Variants in LUZP2 observed in about 807,000 individuals in gnomAD.
LUZP2 encodes the protein leucine zipper protein 2.
A neutral mutation model predicts 51.6 loss-of-function variants in LUZP2; 52 were observed. The ratio of observed to expected loss-of-function variants is 1.01; its 90% CI spans 0.81 to 1.27. The LOEUF (loss-of-function observed/expected upper bound fraction) is 1.27. LUZP2 is among the 50% of genes most tolerant of loss of function. LUZP2 has a pLI of 0.00. For missense variants in LUZP2, 436 were observed against 395.4 expected, an observed-to-expected ratio of 1.10 and a Z score of -0.87; for synonymous variants, 154 against 137.3, an observed-to-expected ratio of 1.12 and a Z score of -0.85.
At chr11:24,642,265 G>A (rs1426826511) in intron 1 of LUZP2, among the ~76,000 whole-genome samples, 1 of 151,512 alleles carries the variant, frequency 6.6e-6, no homozygotes, top group Non-Finnish European at 1.5e-5. Context: ...CAATTAGACT[G>A]TTTTGTCACA....
chr11:24,702,109 A>G (rs1266683112), intron 1 of LUZP2, among the ~76,000 whole-genome samples: 1 of 152,202 alleles, frequency 6.6e-6, no homozygotes, highest in Non-Finnish European at 1.5e-5. Flanking sequence ...AAATCTGAGT[A>G]TGTAGTGTAT....
intron 1 of LUZP2, among the ~76,000 whole-genome samples, chr11:24,576,655 T>A (rs531623300): frequency 6.6e-6 from 1 of 151,894 alleles, no homozygotes; most frequent in African/African-American, 2.4e-5. Flanking sequence ...TTGGAGGTAA[T>A]TGACAAAGTG....
intron 1 of LUZP2, among the ~76,000 whole-genome samples, chr11:24,644,760 A>G (rs1378192116): frequency 6.6e-6 from 1 of 152,170 alleles, no homozygotes; most frequent in Non-Finnish European, 1.5e-5. Context: ...TAACTGTGTT[A>G]GCATATACAT....
intron 5 of LUZP2, among the ~76,000 whole-genome samples, chr11:24,855,274 A>G (rs1324761661): frequency 6.6e-6 from 1 of 152,172 alleles, no homozygotes. Flanking sequence ...GAATTCAGTA[A>G]AATTTCAGGA....
intron 1 of LUZP2, among the ~76,000 whole-genome samples, chr11:24,626,095 G>T (rs1854672403): frequency 6.6e-6 from 1 of 152,120 alleles, no homozygotes; most frequent in African/African-American, 2.4e-5. Flanking sequence ...ACCTCGGAGG[G>T]TTATTTTCCT....
At chr11:24,875,546 A>G (rs1053215726) in intron 5 of LUZP2, among the ~76,000 whole-genome samples, 1 of 146,032 alleles carries the variant, frequency 6.8e-6, no homozygotes, top group African/African-American at 2.5e-5. Flanking sequence ...TATTGTGAAT[A>G]GTGCCGCAAT....
In LUZP2 at chr11:24,578,661, T is replaced by TA. The variant is rs1362769163; in HGVS notation, c.62+81363dup. On this transcript the variant is annotated intron_variant, in intron 1 of 11. Coordinates refer to ENST00000336930, the MANE Select transcript of LUZP2 (RefSeq NM_001009909.4). The stretch of plus-strand genomic sequence containing the variant: ...ATGGATGCAGCTGGAGGCCTTATCC[T>TA]AAAAAAATTAATGCAGAAACAGAAA... Among the ~76,000 whole-genome samples the TA allele has an allele frequency of 3.3e-5, 5 of 152,076 alleles. No homozygotes were observed. The South Asian group carries it at 6.2e-4, about 19-fold the overall frequency.
At chr11:24,817,329 A>G (rs927896005) in intron 5 of LUZP2, among the ~76,000 whole-genome samples, 1 of 152,106 alleles carries the variant, frequency 6.6e-6, no homozygotes, top group Non-Finnish European at 1.5e-5. Context: ...AAAAACTCCA[A>G]TTTGTATAAT....
At chr11:24,829,972 G>A (rs1311361868) in intron 5 of LUZP2, among the ~76,000 whole-genome samples, 2 of 152,044 alleles carry the variant, frequency 1.3e-5, no homozygotes, top group African/African-American at 4.8e-5. Flanking sequence ...TGAGAGATAG[G>A]GTAACAGTGA....
chr11:24,720,510 G>A (rs951356228), intron 1 of LUZP2, among the ~76,000 whole-genome samples: 3 of 152,162 alleles, frequency 2.0e-5, no homozygotes, highest in Admixed American at 6.5e-5. Flanking sequence ...AATGAAAAAT[G>A]TATGTGACCA....
At chr11:24,897,315 G>A (rs752161065) in intron 5 of LUZP2, among the ~76,000 whole-genome samples, 4 of 152,334 alleles carry the variant, frequency 2.6e-5, no homozygotes, top group Non-Finnish European at 4.4e-5. Flanking sequence ...GCCAGTAGTA[G>A]CAACCCGCCT....
At chr11:24,747,454 T>C (rs189286159) in intron 4 of LUZP2, among the ~76,000 whole-genome samples, 8 of 151,990 alleles carry the variant, frequency 5.3e-5, no homozygotes, top group Admixed American at 4.6e-4. Flanking sequence ...GAGGTGGCAG[T>C]TGGGGGTGAA....
intron 5 of LUZP2, among the ~76,000 whole-genome samples, chr11:24,780,556 A>G (rs1436827418): frequency 1.3e-5 from 2 of 152,176 alleles, no homozygotes; most frequent in African/African-American, 4.8e-5. Context: ...TGGGATATAT[A>G]ACAACAACAT....
At chr11:24,875,812 G>A (rs1275810219) in intron 5 of LUZP2, among the ~76,000 whole-genome samples, 3 of 152,158 alleles carry the variant, frequency 2.0e-5, no homozygotes, top group Non-Finnish European at 4.4e-5. Context: ...GTGTGAGGTG[G>A]TATCTCATTG....
intron 1 of LUZP2, among the ~76,000 whole-genome samples, chr11:24,620,789 T>A (rs971171428): frequency 3.9e-5 from 6 of 152,224 alleles, no homozygotes; most frequent in Non-Finnish European, 8.8e-5. Context: ...AGTGGGGATG[T>A]TGAATTGCTA....
At chr11:24,865,122 A>C (rs1851851053) in intron 5 of LUZP2, among the ~76,000 whole-genome samples, 2 of 152,298 alleles carry the variant, frequency 1.3e-5, no homozygotes, top group African/African-American at 2.4e-5. Flanking sequence ...TGAGAGGAAA[A>C]GTCAATTTTC....
chr11:24,881,327 AAGAG>A (rs1565046421), intron 5 of LUZP2, among the ~76,000 whole-genome samples: 1 of 152,012 alleles, frequency 6.6e-6, no homozygotes, highest in Non-Finnish European at 1.5e-5. Flanking sequence ...AAAAAAAAAA[AAGAG>A]AGAGAGACAG....
At chr11:24,912,037 CA>C (rs1369137127) in intron 6 of LUZP2, among the ~76,000 whole-genome samples, 1 of 152,122 alleles carries the variant, frequency 6.6e-6, no homozygotes, top group African/African-American at 2.4e-5. Context: ...CTGCTTTGTA[CA>C]GAGTTAAGTG....
intron 9 of LUZP2, among the ~76,000 whole-genome samples, chr11:25,037,443 G>T (rs12788430): frequency 0.47 from 71,818 of 151,870 alleles, 17,468 homozygotes; most frequent in Non-Finnish European, 0.51. Flanking sequence ...CAAATGTTTA[G>T]CCCATTTACA....
Sources: allele counts gnomAD v4.1 joint callset (sites outside exome capture counted in the v4.1 genomes callset), GRCh38; gene constraint gnomAD v4.1.1; transcripts MANE v1.5; gene names NCBI Gene and HGNC (gene_info 2026-07-23, HGNC 2026-07-21).